CDC42BPA: variants seen among roughly 807,000 people sequenced by gnomAD.
The protein encoded by CDC42BPA is serine/threonine-protein kinase MRCK alpha.
A neutral mutation model predicts 223.5 loss-of-function variants in CDC42BPA; 80 were observed. The ratio of observed to expected loss-of-function variants is 0.36; its 90% CI spans 0.30 to 0.43. CDC42BPA has a LOEUF of 0.43. Among genes scored for constraint, CDC42BPA ranks in the 20% least tolerant of loss-of-function variants. CDC42BPA has a pLI of 1.00. For missense variants in CDC42BPA, 1,743 were observed against 2,099.9 expected, an observed-to-expected ratio of 0.83 and a Z score of 3.32; for synonymous variants, 694 against 718.6, an observed-to-expected ratio of 0.97 and a Z score of 0.55.
At chr1:227,095,678 G>A (rs886252211) in intron 15 of CDC42BPA, among the ~76,000 whole-genome samples, 6 of 147,472 alleles carry the variant, frequency 4.1e-5, no homozygotes, top group African/African-American at 1.2e-4. Context: ...TGCAATCTCC[G>A]CCTTTCAGGT....
At chr1:227,081,758 C>T (rs935758997) in intron 16 of CDC42BPA, among the ~76,000 whole-genome samples, 4 of 152,002 alleles carry the variant, frequency 2.6e-5, no homozygotes, top group East Asian at 1.9e-4. Context: ...CTGGCCTATA[C>T]GCCTGTTCTC....
intron 21 of CDC42BPA, among the ~76,000 whole-genome samples, chr1:227,061,345 G>A (rs1056324102): frequency 3.9e-5 from 6 of 152,030 alleles, no homozygotes; most frequent in Admixed American, 1.3e-4. Context: ...TATGCAGATC[G>A]TTTTCCAAAG....
chr1:227,280,689 T>C (rs1687876494), intron 1 of CDC42BPA, among the ~76,000 whole-genome samples: 1 of 152,198 alleles, frequency 6.6e-6, no homozygotes, highest in South Asian at 2.1e-4. Flanking sequence ...AAACTAAAAT[T>C]GCCAATTTAT....
intron 34 of CDC42BPA, among the ~76,000 whole-genome samples, chr1:227,007,337 A>ATATT (rs1380281962): frequency 1.3e-5 from 2 of 152,186 alleles, no homozygotes; most frequent in African/African-American, 4.8e-5. Flanking sequence ...ACTGGAAGAT[A>ATATT]TATTTATTAA....
chr1:227,060,972 C>T (rs897547284), intron 21 of CDC42BPA, among the ~76,000 whole-genome samples: 4 of 152,090 alleles, frequency 2.6e-5, no homozygotes, highest in East Asian at 1.9e-4. Context: ...CCGCCTGCCT[C>T]GGCCTCCCAA....
At chr1:227,205,788 C>T (rs1222730182) in intron 3 of CDC42BPA, among the ~76,000 whole-genome samples, 1 of 152,156 alleles carries the variant, frequency 6.6e-6, no homozygotes, top group Non-Finnish European at 1.5e-5. Flanking sequence ...GTGGCTCACA[C>T]CTGTAATCCC....
At chr1:227,039,887 T>C (rs1323926182) in intron 24 of CDC42BPA, among the ~76,000 whole-genome samples, 1 of 152,208 alleles carries the variant, frequency 6.6e-6, no homozygotes, top group Non-Finnish European at 1.5e-5. Context: ...TAATGTTTTT[T>C]GGCAGGGACT....
chr1:227,267,707 C>A (rs1195622613), intron 1 of CDC42BPA, among the ~76,000 whole-genome samples: 1 of 152,166 alleles, frequency 6.6e-6, no homozygotes, highest in Non-Finnish European at 1.5e-5. Flanking sequence ...GGGAAGCAAG[C>A]ACCTTCTTCA....
chr1:227,022,729 G>A (rs1335233389), intron 32 of CDC42BPA, among the ~76,000 whole-genome samples: 4 of 152,074 alleles, frequency 2.6e-5, no homozygotes, highest in African/African-American at 9.7e-5. Context: ...TTTGGTCACT[G>A]ACCAAATATC....
At chr1:227,095,590 T>G (rs988536262) in intron 15 of CDC42BPA, among the ~76,000 whole-genome samples, 1 of 19,482 alleles carries the variant, frequency 5.1e-5, no homozygotes, top group Non-Finnish European at 1.1e-4. Flanking sequence ...AGTTCTTTGG[T>G]TTTTTTTTTT....
intron 29 of CDC42BPA, 121 bp downstream of exon 29, chr1:227,030,287 G>T: frequency 1.6e-6 from 1 of 640,612 alleles, no homozygotes. Context: ...ATTAGGTCTG[G>T]AAAATTTTAG....
chr1:227,312,020 G>A (rs1409254692), intron 1 of CDC42BPA, among the ~76,000 whole-genome samples: 1 of 152,188 alleles, frequency 6.6e-6, no homozygotes, highest in African/African-American at 2.4e-5. Flanking sequence ...CTACACTGAA[G>A]TATTTCAAAC....
chr1:227,265,289 AC>A, intron 1 of CDC42BPA: 1 of 492,128 alleles, frequency 2.0e-6, no homozygotes, highest in East Asian at 3.6e-5. Flanking sequence ...TTATTTAGAC[AC>A]AAAAGGCTTC....
At chr1:227,138,836 A>G (rs543911681) in intron 10 of CDC42BPA, among the ~76,000 whole-genome samples, 1 of 152,244 alleles carries the variant, frequency 6.6e-6, no homozygotes, top group East Asian at 1.9e-4. Context: ...GGAACAATAG[A>G]TTTGAAGGTA....
At chr1:227,266,099 G>C (rs952780488) in intron 1 of CDC42BPA, among the ~76,000 whole-genome samples, 7 of 152,074 alleles carry the variant, frequency 4.6e-5, no homozygotes, top group Admixed American at 6.6e-5. Flanking sequence ...CCTATTTCTG[G>C]GTAGTGGCAA....
intron 21 of CDC42BPA, among the ~76,000 whole-genome samples, chr1:227,068,290 A>C (rs1677523048): frequency 1.3e-5 from 2 of 151,702 alleles, no homozygotes; most frequent in South Asian, 4.1e-4. Flanking sequence ...TTAAACAGTA[A>C]AGTGCTGAAA....
chr1:227,145,086 C>A (rs1558605001), intron 8 of CDC42BPA, among the ~76,000 whole-genome samples: 1 of 152,120 alleles, frequency 6.6e-6, no homozygotes, highest in African/African-American at 2.4e-5. Context: ...CAATTTATTT[C>A]TCTTCAATTG....
intron 30 of CDC42BPA, 102 bp from the exon 31 acceptor site, chr1:227,026,254 C>T (rs1472447213): frequency 3.2e-6 from 2 of 629,318 alleles, no homozygotes; most frequent in Non-Finnish European, 5.6e-6. Context: ...TGGAATCCCA[C>T]CCAAATCCTA....
chr1:227,009,736 T>C (rs559501245), intron 34 of CDC42BPA, among the ~76,000 whole-genome samples: 6 of 152,270 alleles, frequency 3.9e-5, no homozygotes, highest in African/African-American at 1.2e-4. Flanking sequence ...GATTAACATA[T>C]ACAAAATTCC....
Sources: allele counts gnomAD v4.1 joint callset (sites outside exome capture counted in the v4.1 genomes callset), GRCh38; gene constraint gnomAD v4.1.1; transcripts MANE v1.5; gene names NCBI Gene and HGNC (gene_info 2026-07-23, HGNC 2026-07-21).